PCDHGA1: variants seen among roughly 807,000 people sequenced by gnomAD.
PCDHGA1 encodes protocadherin gamma subfamily A, 1.
Under a neutral mutation model 58.0 loss-of-function variants are expected in PCDHGA1, and 32 were observed. That is an observed-to-expected ratio of 0.55 (90% CI 0.42 to 0.74). PCDHGA1 has a LOEUF of 0.74. Among genes scored for constraint, PCDHGA1 ranks in the 30% least tolerant of loss-of-function variants. The pLI, the probability that PCDHGA1 is intolerant of heterozygous loss-of-function variation, is 0.00. For synonymous variants in PCDHGA1, 498 were observed against 501.1 expected (o/e 0.99, Z 0.08); for missense variants, 1,205 against 1,182.3 (o/e 1.02, Z -0.28).
chr5:141,377,619 G>T (rs1248552210), intron 1 of PCDHGA1: 2 of 145,890 alleles, frequency 1.4e-5, no homozygotes, highest in Admixed American at 1.4e-4. Flanking sequence ...AAAAAAAAAA[G>T]ATTTTGTTTT....
At chr5:141,418,674 GCAT>G (rs1401114725) in intron 1 of PCDHGA1, 1 of 1,614,032 alleles carries the variant, frequency 6.2e-7, no homozygotes, top group Non-Finnish European at 8.5e-7. Flanking sequence ...CAGGACGAGG[GCAT>G]CAACTCAGAG....
chr5:141,361,542 C>T, intron 1 of PCDHGA1: 5 of 1,614,054 alleles, frequency 3.1e-6, no homozygotes, highest in Non-Finnish European at 3.4e-6. Context: ...CTCCTGGCGC[C>T]TCTATCGCTC....
At chr5:141,407,956 A>G (rs2095008608) in intron 1 of PCDHGA1, 1 of 645,868 alleles carries the variant, frequency 1.5e-6, no homozygotes, top group African/African-American at 1.8e-5. Flanking sequence ...CGGCCAGTGC[A>G]GAGCAAGCGC....
intron 2 of PCDHGA1, among the ~76,000 whole-genome samples, chr5:141,495,994 T>C (rs2099765151): frequency 6.6e-6 from 1 of 152,146 alleles, no homozygotes; most frequent in Non-Finnish European, 1.5e-5. Flanking sequence ...ATCTCTCTTT[T>C]TCTTTTATCT....
At chr5:141,360,919 C>G in intron 1 of PCDHGA1, 1 of 1,614,012 alleles carries the variant, frequency 6.2e-7, no homozygotes, top group Non-Finnish European at 8.5e-7. Context: ...CTTCTTTGTG[C>G]TTCAAGTGAC....
At chr5:141,370,572 GA>G in intron 1 of PCDHGA1, 9 of 1,613,960 alleles carry the variant, frequency 5.6e-6, no homozygotes, top group Non-Finnish European at 7.6e-6. Context: ...TGGCGTGGGG[GA>G]TTTACCTACT....
chr5:141,356,286 G>C, intron 1 of PCDHGA1: 1 of 1,556,442 alleles, frequency 6.4e-7, no homozygotes, highest in Non-Finnish European at 8.7e-7. Context: ...CTTCTTCCCC[G>C]GGTACAGTAA....
chr5:141,400,254 G>C, intron 1 of PCDHGA1: 1 of 1,613,980 alleles, frequency 6.2e-7, no homozygotes. Flanking sequence ...CCGTTGCCTT[G>C]CGCCTGCGAC....
chr5:141,395,221 A>G, intron 1 of PCDHGA1: 1 of 1,611,672 alleles, frequency 6.2e-7, no homozygotes, highest in Non-Finnish European at 8.5e-7. Context: ...TATAAGAATG[A>G]AGCTGATCAT....
intron 1 of PCDHGA1, among the ~76,000 whole-genome samples, chr5:141,430,066 G>A (rs550834063): frequency 4.1e-4 from 62 of 152,102 alleles, no homozygotes; most frequent in Non-Finnish European, 8.4e-4. Flanking sequence ...TCATTTTTAG[G>A]TTTCCATAAT....
intron 1 of PCDHGA1, chr5:141,366,795 T>A (rs1054610187): frequency 3.2e-6 from 5 of 1,567,382 alleles, no homozygotes; most frequent in Non-Finnish European, 4.3e-6. Flanking sequence ...CATTTTCATT[T>A]GTTTCCTTTT....
At chr5:141,365,060 C>G (rs750087491) in intron 1 of PCDHGA1, 1 of 1,613,874 alleles carries the variant, frequency 6.2e-7, no homozygotes, top group Admixed American at 1.7e-5. Context: ...CCTGTTCACC[C>G]CATCCGAGTA....
intron 1 of PCDHGA1, chr5:141,395,958 A>G (rs1224647324): frequency 6.6e-6 from 1 of 152,208 alleles, no homozygotes; most frequent in Admixed American, 6.5e-5. Context: ...ACAAAAAACA[A>G]AAGCAAAAAC....
At position 141,510,842 on chromosome 5, in the gene PCDHGA1, G is replaced by A. The variant is rs531098325; in HGVS notation, c.2570-105G>A. 8.7e-5 allele frequency: 138 copies of A among 1,590,280 alleles called. No homozygotes were observed. The African/African-American group carries it at 1.7e-3, about 19-fold the overall frequency. ...TATTCCCAGTGCTCAGCGTGGTCAA[G>A]GCCCAGGGTGCTGTATAGGCATTCA... On this transcript the variant is annotated intron_variant, in intron 3 of 3. Coordinates refer to ENST00000517417, the MANE Select transcript of PCDHGA1 (RefSeq NM_018912.3).
rs761202330 is a variant in PCDHGA1 at position 141,489,878 on chromosome 5, C to T, written c.2422-4929C>T. 1.1e-5 allele frequency: 17 copies of T among 1,614,116 alleles called. No individual in the cohort carries two copies. In the East Asian group the frequency reaches 3.6e-4, roughly 34 times the overall value. On this transcript the variant is annotated intron_variant, in intron 1 of 3. Transcript: ENST00000517417. This position sits in a 1 kb window ranked among gnomAD's most constrained non-coding sequence, Gnocchi z 4.5. ...CAGGCAAGACATCAGCTGGTGCTTA[C>T]TGCTGTGGATGGGGGGACCCCAGCC... is the stretch of plus-strand genomic sequence containing the variant.
At chr5:141,460,088 A>C (rs1225262213) in intron 1 of PCDHGA1, among the ~76,000 whole-genome samples, 2 of 151,990 alleles carry the variant, frequency 1.3e-5, no homozygotes, top group Non-Finnish European at 2.9e-5. Flanking sequence ...AAAAATAATA[A>C]TTATACATGT....
chr5:141,366,744 G>T (rs754996318), intron 1 of PCDHGA1: 1 of 1,611,828 alleles, frequency 6.2e-7, no homozygotes, highest in South Asian at 1.1e-5. Context: ...GAAGAACGGC[G>T]AGTTCAGGTT....
intron 1 of PCDHGA1, 137 bp from the exon 2 acceptor site, chr5:141,494,670 C>T: frequency 6.5e-7 from 1 of 1,529,402 alleles, no homozygotes; most frequent in Non-Finnish European, 8.8e-7. Flanking sequence ...GGAGATGAGT[C>T]CACCCCTGCC....
intron 1 of PCDHGA1, chr5:141,367,550 A>G (rs1175720075): frequency 2.0e-5 from 3 of 147,536 alleles, no homozygotes; most frequent in Non-Finnish European, 4.6e-5. Flanking sequence ...ATAAATAAAT[A>G]AATAAATAAA....
Sources: gnomAD v4.1 joint callset for allele counts (sites outside exome capture counted in the v4.1 genomes callset) on GRCh38, gnomAD v4.1.1 for gene constraint, Gnocchi (gnomAD v3.1) non-coding constraint, MANE v1.5 for transcripts, NCBI Gene and HGNC (gene_info 2026-07-23, HGNC 2026-07-21) for gene names.